Variants in SNX1 observed in about 807,000 individuals in gnomAD.
SNX1 encodes sorting nexin-1.
In SNX1, 36 loss-of-function variants were observed where a neutral mutation model predicts 71.8. The ratio of observed to expected loss-of-function variants is 0.50; its 90% CI spans 0.38 to 0.66. The LOEUF (loss-of-function observed/expected upper bound fraction) is 0.66. Ranked by LOEUF, SNX1 falls within the 30% of genes least tolerant of loss-of-function variation. The pLI, the probability that SNX1 is intolerant of heterozygous loss-of-function variation, is 0.00. For synonymous variants in SNX1, 254 were observed against 240.7 expected, an observed-to-expected ratio of 1.06 and a Z score of -0.51; for missense variants, 612 against 646.7, an observed-to-expected ratio of 0.95 and a Z score of 0.58.
chr15:64,096,864 T>C (rs892570645), intron 1 of SNX1, among the ~76,000 whole-genome samples: 1 of 152,216 alleles, frequency 6.6e-6, no homozygotes, highest in African/African-American at 2.4e-5. Flanking sequence ...TTTCCCGTAA[T>C]GTTACCGGTA....
intron 1 of SNX1, among the ~76,000 whole-genome samples, chr15:64,111,725 A>G (rs2081080065): frequency 6.6e-6 from 1 of 152,214 alleles, no homozygotes; most frequent in Non-Finnish European, 1.5e-5. Context: ...GTGTGTCATA[A>G]AAGGTTCCTT....
At chr15:64,112,496 A>G in intron 1 of SNX1, 77 bp from the exon 2 acceptor site, 1 of 902,126 alleles carries the variant, frequency 1.1e-6, no homozygotes, top group East Asian at 2.5e-5. Context: ...TGAGGGAGGC[A>G]TTAAAAGTTG....
chr15:64,111,518 GTAAC>G (rs1258780945), intron 1 of SNX1: 1 of 152,214 alleles, frequency 6.6e-6, no homozygotes, highest in East Asian at 1.9e-4. Context: ...GTTTCGATCT[GTAAC>G]TGACTGTGAA....
chr15:64,110,975 G>A (rs2081072448), intron 1 of SNX1, among the ~76,000 whole-genome samples: 1 of 152,154 alleles, frequency 6.6e-6, no homozygotes, highest in African/African-American at 2.4e-5. Context: ...CTTTTCTGTT[G>A]TTTTAATCTC....
chr15:64,131,488 C>T (rs1395764196), intron 10 of SNX1, 199 bp from the exon 11 acceptor site: 1 of 582,494 alleles, frequency 1.7e-6, no homozygotes, highest in Non-Finnish European at 3.0e-6. Flanking sequence ...GTGCCTCTCC[C>T]TCCTGCTCCT....
chr15:64,122,897 G>C (rs1223218627), intron 4 of SNX1, among the ~76,000 whole-genome samples: 4 of 152,020 alleles, frequency 2.6e-5, no homozygotes, highest in Non-Finnish European at 5.9e-5. Flanking sequence ...ATTGCTCCAG[G>C]AAAGGGAGAT....
At chr15:64,103,841 A>G (rs536258493) in intron 1 of SNX1, among the ~76,000 whole-genome samples, 2 of 152,372 alleles carry the variant, frequency 1.3e-5, no homozygotes, top group South Asian at 4.1e-4. Flanking sequence ...GACTTCTGAA[A>G]GTGAATCTTT....
At chr15:64,128,005 G>A (rs1477279521) in intron 8 of SNX1, among the ~76,000 whole-genome samples, 199 bp downstream of exon 8, 1 of 152,222 alleles carries the variant, frequency 6.6e-6, no homozygotes, top group African/African-American at 2.4e-5. Context: ...AAAGCAGTTG[G>A]TTGTAAGGGT....
At chr15:64,123,290 C>T (rs1448155681) in intron 4 of SNX1, among the ~76,000 whole-genome samples, 2 of 152,182 alleles carry the variant, frequency 1.3e-5, no homozygotes, top group Non-Finnish European at 2.9e-5. Flanking sequence ...AACTGGGGCT[C>T]AGCCAGCATC....
chr15:64,102,712 TC>T (rs1240727647), intron 1 of SNX1, among the ~76,000 whole-genome samples: 3 of 152,006 alleles, frequency 2.0e-5, no homozygotes, highest in African/African-American at 7.2e-5. Flanking sequence ...AGGAGTTCAT[TC>T]TTTTTTATGC....
At chr15:64,120,766 G>A (rs1167996265) in intron 4 of SNX1, among the ~76,000 whole-genome samples, 2 of 152,094 alleles carry the variant, frequency 1.3e-5, no homozygotes, top group African/African-American at 4.8e-5. Context: ...ATTTGAGCCT[G>A]GAAGGTCAAG....
chr15:64,141,106 A>G lies in SNX1; in HGVS notation c.*3488A>G, dbSNP rs1409168772. 4 of 152,244 alleles carry G rather than the reference A, an allele frequency of 2.6e-5. No homozygotes were observed. The highest frequency in any genetic ancestry group is 9.6e-5 in the African/African-American group (4 of 41,458). The allele number at this position is 152,244 out of a possible 1,614,324, so 9.4% of individuals were successfully genotyped here. A position where few individuals can be genotyped will look rare whatever the true frequency, so the allele number is the denominator to read the frequency against. ...GAGATACCTGACATAAATAGATACT[A>G]AAAATCATGAATTCACACTGATGCT... On this transcript the variant is annotated 3_prime_UTR_variant, in exon 15 of 15. Transcript: ENST00000559844. The surrounding 1 kb of genome is among the most constrained non-coding windows in gnomAD (Gnocchi z 5.1).
intron 3 of SNX1, 95 bp from the exon 4 acceptor site, chr15:64,118,693 T>C: frequency 2.2e-6 from 2 of 902,828 alleles, no homozygotes; most frequent in South Asian, 1.5e-5. Flanking sequence ...AGGATACATC[T>C]TGATTTTATT....
At position 64,137,881 on chromosome 15, in the gene SNX1, T is replaced by C. The variant is rs2081375901; in HGVS notation, c.*263T>C. 1 of 1,402,974 alleles carries C rather than the reference T, an allele frequency of 7.1e-7. No individual in the cohort carries two copies. The highest frequency in any genetic ancestry group is 1.7e-5 in the South Asian group (1 of 57,906). 86.9% of individuals were successfully genotyped at this position (1,402,974 alleles called of 1,614,324 possible). On this transcript the variant is annotated 3_prime_UTR_variant, in exon 15 of 15. Coordinates refer to ENST00000559844, the MANE Select transcript of SNX1 (RefSeq NM_003099.5). ...TGGAATTATGGGATGGGGTGGAGTATTGATATAAATATATAAATACAAATG... is the reference window on the plus strand; with the variant it reads ...TGGAATTATGGGATGGGGTGGAGTACTGATATAAATATATAAATACAAATG...
rs747131734 is a variant in SNX1, at chr15:64,134,661, C to A, written c.1222-3C>A. On this transcript the variant is annotated splice_polypyrimidine_tract_variant and splice_region_variant and intron_variant, in intron 11 of 14. Transcript: ENST00000559844. The surrounding 1 kb of genome is among the most constrained non-coding windows in gnomAD (Gnocchi z 4.1). ...GTGCTCCTCCTCAACCCCACCCCCACAGGCTGCCTTCGACCAGCGCATGAA... is the reference window on the plus strand; with the variant it reads ...GTGCTCCTCCTCAACCCCACCCCCAAAGGCTGCCTTCGACCAGCGCATGAA... The A allele has an allele frequency of 9.9e-6, 16 of 1,608,862 alleles. No homozygotes were observed. The African/African-American group carries it at 2.1e-4, about 21-fold the overall frequency.
chr15:64,136,232 T>A, intron 12 of SNX1, 98 bp from the exon 13 acceptor site: 1 of 882,954 alleles, frequency 1.1e-6, no homozygotes, highest in African/African-American at 1.6e-5. Context: ...GACATAATGA[T>A]CAATTGAGCC....
At chr15:64,097,475 T>G (rs2080915142) in intron 1 of SNX1, among the ~76,000 whole-genome samples, 1 of 152,202 alleles carries the variant, frequency 6.6e-6, no homozygotes. Context: ...TTAACGTAAG[T>G]TGACCTCAGA....
rs1279147198 is a variant in SNX1, at chr15:64,127,644, G to C, written c.732-87G>C. ...TACTTTAAGTACAAAAAGTACAGAA[G>C]ACATGGTATCACTGCCAGCACTGTG... On this transcript the variant is annotated intron_variant, in intron 7 of 14. Transcript: ENST00000559844. The C allele has an allele frequency of 3.3e-6, 3 of 922,166 alleles. No individual in the cohort carries two copies. In the East Asian group the frequency reaches 7.3e-5, roughly 22 times the overall value. 57.1% of individuals were successfully genotyped at this position (922,166 alleles called of 1,614,324 possible).
At chr15:64,137,031 G>C (rs952602647) in intron 14 of SNX1, 99 bp downstream of exon 14, 9 of 895,452 alleles carry the variant, frequency 1.0e-5, no homozygotes, top group Non-Finnish European at 1.6e-5. Flanking sequence ...CCCTGCTTCT[G>C]AGGGGCTGGG....
Sources: gnomAD v4.1 joint callset for allele counts (sites outside exome capture counted in the v4.1 genomes callset) on GRCh38, gnomAD v4.1.1 for gene constraint, Gnocchi (gnomAD v3.1) non-coding constraint, MANE v1.5 for transcripts, NCBI Gene and HGNC (gene_info 2026-07-23, HGNC 2026-07-21) for gene names.